The following GANAB variants were observed in gnomAD, a reference collection of about 807,000 sequenced individuals.
The protein encoded by GANAB is glucosidase II alpha subunit, also known as neutral alpha-glucosidase AB.
Under a neutral mutation model 129.9 loss-of-function variants are expected in GANAB, and 35 were observed. The observed-to-expected ratio is 0.27, with a 90% confidence interval of 0.21 to 0.36. The LOEUF (loss-of-function observed/expected upper bound fraction) is 0.36, where lower values mean the gene tolerates loss of function less well. Ranked by LOEUF, GANAB falls within the 10% of genes least tolerant of loss-of-function variation. GANAB has a pLI of 1.00. For missense variants in GANAB, 939 were observed against 1,221.0 expected (o/e 0.77, Z 3.44); for synonymous variants, 482 against 451.8 (o/e 1.07, Z -0.85).
intron 1 of GANAB, among the ~76,000 whole-genome samples, chr11:62,645,590 T>G (rs1944443979): frequency 6.6e-6 from 1 of 151,824 alleles, no homozygotes; most frequent in Non-Finnish European, 1.5e-5. Context: ...GGGGCCCTAT[T>G]TGCACAGTCT....
intron 1 of GANAB, among the ~76,000 whole-genome samples, chr11:62,641,675 G>A (rs1025938165): frequency 9.9e-5 from 15 of 151,984 alleles, no homozygotes; most frequent in Admixed American, 2.6e-4. Context: ...CCGCCTCCCA[G>A]GTTCAAGCAA....
At position 62,634,883 on chromosome 11, in the gene GANAB, A is replaced by G. The variant is rs1482216822; in HGVS notation, c.498T>C (p.Leu166=). 40 of 1,613,954 alleles carry G rather than the reference A, an allele frequency of 2.5e-5. No homozygotes were observed. The highest frequency in any genetic ancestry group is 3.3e-5 in the Non-Finnish European group (39 of 1,179,934). ...GTCCTCGGGCATTGACACTAAGCAA[A>G]AGACTTCGGTCCTCTAGTAGGTCAA... is the stretch of plus-strand genomic sequence containing the variant. The part of the protein sequence containing the change: ...FRLDLLEDRS[L]LLSVNARGLL... Residue 166 remains leucine, a synonymous_variant, in exon 5 of 24, where the codon CTT becomes CTC. Transcript: ENST00000356638.
rs879255643 is a variant in GANAB, at chr11:62,626,633, G to A, written c.2449C>T (p.Arg817Trp). ...TCCTTCATACATTCTGAAGACCGCC[G>A]CACTCGCATCCATCGAGGCACGATT... ...GTIVPRWMRV[R>W]RSSECMKDDP... Residue 817 changes from arginine to tryptophan, a missense_variant, in exon 21 of 24, where the codon CGG becomes TGG. Transcript: ENST00000356638. 1.9e-6 allele frequency: 3 copies of A among 1,612,138 alleles called. No homozygotes were observed. Among genetic ancestry groups the A allele is most frequent in the Non-Finnish European group, 2.5e-6 (3 of 1,178,860 alleles).
At position 62,631,836 on chromosome 11, in the gene GANAB, C is replaced by T. The variant is rs545571582; in HGVS notation, c.997-653G>A. Among the ~76,000 whole-genome samples the T allele has an allele frequency of 5.9e-5, 9 of 152,086 alleles. No homozygotes were observed. In the South Asian group the frequency reaches 1.0e-3, roughly 18 times the overall value. The stretch of plus-strand genomic sequence containing the variant: ...CTCGCCATGTTGCCCAGGCTGGTCT[C>T]GAACTCCTGGCCTCAAGCGATCCTC... On this transcript the variant is annotated intron_variant, in intron 9 of 23. Transcript: ENST00000356638.
intron 17 of GANAB, among the ~76,000 whole-genome samples, chr11:62,628,191 C>A (rs1485684200): frequency 2.1e-5 from 3 of 144,046 alleles, no homozygotes; most frequent in Admixed American, 7.2e-5. Flanking sequence ...TCTCACACAG[C>A]CTTCTTCTCA....
rs1274212254 is a variant in GANAB at position 62,628,898 on chromosome 11, C to T, written c.2051G>A (p.Arg684Gln). 1.9e-6 allele frequency: 3 copies of T among 1,614,152 alleles called. No homozygotes were observed. The highest frequency in any genetic ancestry group is 1.7e-4 in the Middle Eastern group (1 of 6,060). ...RAHAHLDTGR[R>Q]EPWLLPSQHN... Reference sequence around the variant, plus strand: ...CTGAGATGGTAACAGCCATGGCTCTCGTCGCCCAGTGTCCAAGTGGGCATG... The same window carrying T: ...CTGAGATGGTAACAGCCATGGCTCTTGTCGCCCAGTGTCCAAGTGGGCATG... Residue 684 changes from arginine (R) to glutamine (Q), a missense_variant, in exon 17 of 24, where the codon CGA (arginine) becomes CAA (glutamine). Physicochemically the swap from Arg to Gln is conservative, Grantham distance 43. Around this residue, in one of 5 missense-constraint regions of GANAB, gnomAD observed 147 missense variants for 282.4 expected, o/e 0.52. Coordinates refer to ENST00000356638, the MANE Select transcript of GANAB (RefSeq NM_198334.3).
rs766534942 is a variant in GANAB at position 62,629,708 on chromosome 11, G to A, written c.1738-24C>T. 7 of 1,604,574 alleles carry A rather than the reference G, an allele frequency of 4.4e-6. No individual in the cohort carries two copies. In the Admixed American group the frequency reaches 6.7e-5, roughly 15 times the overall value. On this transcript the variant is annotated intron_variant, in intron 14 of 23. Coordinates refer to ENST00000356638, the MANE Select transcript of GANAB (RefSeq NM_198334.3). ...TGCTGGGTGAGGAGAGAAGAGACGG[G>A]TAGTGAGGAGCAAAAGCCAGCTGTC...
In GANAB at chr11:62,625,539, G is replaced by A; in HGVS notation, c.*276C>T. The A allele has an allele frequency of 2.0e-6, 1 of 489,974 alleles. No homozygotes were observed. Among genetic ancestry groups the A allele is most frequent in the Non-Finnish European group, 3.7e-6 (1 of 267,366 alleles). The allele number at this position is 489,974 out of a possible 1,614,324, so 30.4% of individuals were successfully genotyped here. On this transcript the variant is annotated 3_prime_UTR_variant, in exon 24 of 24. Transcript: ENST00000356638. The stretch of plus-strand genomic sequence containing the variant: ...GGCGACAAGGGCCCTGTGGTTTCCT[G>A]GTGTTCGTAAGTGAATGTGCTCCAG...
At chr11:62,636,119 T>G (rs1161425095) in intron 4 of GANAB, among the ~76,000 whole-genome samples, 2 of 151,776 alleles carry the variant, frequency 1.3e-5, no homozygotes, top group Non-Finnish European at 2.9e-5. Context: ...GGCACCCGAG[T>G]AGCTGGAATT....
In GANAB at chr11:62,625,310, C is replaced by T; in HGVS notation, c.*505G>A. On this transcript the variant is annotated 3_prime_UTR_variant, in exon 24 of 24. Transcript: ENST00000356638. ...TCCTGTCCGGGGTAAGGGGTGGTCC[C>T]AGTGTATCGGTGGGGCATAAAAAGG... The T allele has an allele frequency of 2.2e-6, 1 of 455,842 alleles. No individual in the cohort carries two copies. The highest frequency in any genetic ancestry group is 4.4e-6 in the Non-Finnish European group (1 of 226,704). 28.2% of individuals were successfully genotyped at this position (455,842 alleles called of 1,614,324 possible).
chr11:62,646,049 C>T (rs1031813266), intron 1 of GANAB, among the ~76,000 whole-genome samples: 8 of 152,222 alleles, frequency 5.3e-5, no homozygotes, highest in African/African-American at 1.4e-4. Flanking sequence ...CTGAACTAAG[C>T]CAGAGCTGGT....
At chr11:62,629,553 A>G in intron 15 of GANAB, 35 bp downstream of exon 15, 1 of 1,415,724 alleles carries the variant, frequency 7.1e-7, no homozygotes, top group Non-Finnish European at 9.7e-7. Context: ...TGGCCTTCAC[A>G]CCCTTCTGCC....
chr11:62,626,412 C>T lies in GANAB; in HGVS notation c.2547G>A (p.Gly849=). Residue 849 remains glycine (G), a synonymous_variant, in exon 22 of 24, where the codon GGG becomes GGA. Transcript: ENST00000356638. ...GGCGAGTCTGATAGTTGAACGTGTG[C>T]CCATCATCCAGAAAGAGCTCTCCTT... is the stretch of plus-strand genomic sequence containing the variant. ...TAQGELFLDD[G]HTFNYQTRQE... 6.2e-7 allele frequency: 1 copy of T among 1,613,050 alleles called. No individual in the cohort carries two copies. Among genetic ancestry groups the T allele is most frequent in the East Asian group, 2.2e-5 (1 of 44,870 alleles).
Position 62,625,371 on chromosome 11 carries a change from G to T in GANAB, c.*444C>A, listed in dbSNP as rs914771881. ...CTGGAGGAAGAAATGAAAGGTGGGA[G>T]AGCAATCTGGTGGGAGGGAAGGGGA... On this transcript the variant is annotated 3_prime_UTR_variant, in exon 24 of 24. Transcript: ENST00000356638. 6.8e-6 allele frequency: 3 copies of T among 443,106 alleles called. No individual in the cohort carries two copies. The highest frequency in any genetic ancestry group is 1.4e-5 in the Non-Finnish European group (3 of 221,312). The allele number at this position is 443,106 out of a possible 1,614,324, so 27.4% of individuals were successfully genotyped here.
Position 62,626,899 on chromosome 11 carries a change from A to G in GANAB, c.2358T>C (p.His786=). The change falls in exon 20 of 24, where the codon CAT becomes CAC. Residue 786 remains histidine, a synonymous_variant. Transcript: ENST00000356638. ...CAGGCAGGTACAGGGTCTGGGGACC[A>G]TGATGCTTCTGGTAGCTTTGAATGT... is the stretch of plus-strand genomic sequence containing the variant. ...WYDIQSYQKH[H]GPQTLYLPVT... 1 of 1,613,274 alleles carries G rather than the reference A, an allele frequency of 6.2e-7. No individual in the cohort carries two copies. Among genetic ancestry groups the G allele is most frequent in the African/African-American group, 1.3e-5 (1 of 75,044 alleles).
At chr11:62,626,036 C>G in intron 23 of GANAB, 29 bp downstream of exon 23, 1 of 1,560,272 alleles carries the variant, frequency 6.4e-7, no homozygotes, top group Non-Finnish European at 8.8e-7. Flanking sequence ...CCTCCTTCCC[C>G]CATCCTAGGG....
intron 6 of GANAB, 65 bp downstream of exon 6, chr11:62,633,380 T>C: frequency 6.4e-7 from 1 of 1,566,620 alleles, no homozygotes; most frequent in African/African-American, 1.3e-5. Context: ...AAGTTTCTCA[T>C]GGGCCTCTCC....
intron 1 of GANAB, among the ~76,000 whole-genome samples, chr11:62,641,279 G>C (rs943596792): frequency 6.7e-5 from 10 of 148,298 alleles, no homozygotes; most frequent in African/African-American, 9.9e-5. Context: ...GGGAGGCAGA[G>C]GTTGCAGTGA....
Position 62,625,600 on chromosome 11 carries a change from G to C in GANAB, c.*215C>G. ...AGGATGTTGGGGGAATGAAGGGAAAGAGTTGGTATCAATGGAGTGGGAGAG... is the reference window on the plus strand; with the variant it reads ...AGGATGTTGGGGGAATGAAGGGAAACAGTTGGTATCAATGGAGTGGGAGAG... On this transcript the variant is annotated 3_prime_UTR_variant, in exon 24 of 24. Transcript: ENST00000356638. 1 of 579,150 alleles carries C rather than the reference G, an allele frequency of 1.7e-6. No individual in the cohort carries two copies. The highest frequency in any genetic ancestry group is 3.1e-6 in the Non-Finnish European group (1 of 323,364). The allele number at this position is 579,150 out of a possible 1,614,324, so 35.9% of individuals were successfully genotyped here. A position where few individuals can be genotyped will look rare whatever the true frequency, so the allele number is the denominator to read the frequency against.
Sources: gnomAD v4.1 joint callset for allele counts (sites outside exome capture counted in the v4.1 genomes callset) on GRCh38, gnomAD v4.1.1 for gene constraint, gnomAD v4.1.1 regional missense constraint, MANE v1.5 for transcripts, NCBI Gene and HGNC (gene_info 2026-07-23, HGNC 2026-07-21) for gene names.